The following ZNF540 variants were observed in gnomAD, a reference collection of about 807,000 sequenced individuals.
ZNF540 encodes CTD-3064H18.6.
ZNF540 carries 3 observed loss-of-function variants against 11.8 expected under a neutral mutation model. The ratio of observed to expected loss-of-function variants is 0.25; its 90% CI spans 0.12 to 0.65. The LOEUF is 0.65. ZNF540 is among the 30% of genes least tolerant of loss of function. ZNF540 has a pLI of 0.83. For synonymous variants in ZNF540, 247 were observed against 259.0 expected (o/e 0.95, Z 0.45); for missense variants, 709 against 793.1 (o/e 0.89, Z 1.27).
chr19:37,576,067 G>C (rs897728149), intron 1 of ZNF540, among the ~76,000 whole-genome samples: 2 of 149,468 alleles, frequency 1.3e-5, no homozygotes, highest in African/African-American at 5.0e-5. Flanking sequence ...ACACACACAA[G>C]TTCATCTAGA....
rs776041973 is a variant in ZNF540 at position 37,565,116 on chromosome 19, G to A, written c.-73+13451G>A. On this transcript the variant is annotated intron_variant, in intron 1 of 4. Transcript: ENST00000592533. ...GGTTTCTCACCTGTATGAATTCTCT[G>A]ATGTTCACTAAGTTGTTTGCCACAA... 4 of 1,613,198 alleles carry A rather than the reference G, an allele frequency of 2.5e-6. No homozygotes were observed. The South Asian group carries it at 4.4e-5, about 18-fold the overall frequency.
chr19:37,577,004 C>G (rs2043264687), intron 1 of ZNF540, among the ~76,000 whole-genome samples: 1 of 152,062 alleles, frequency 6.6e-6, no homozygotes, highest in Admixed American at 6.6e-5. Context: ...TTAAAAGGTA[C>G]TAAACACAAG....
chr19:37,560,234 C>A (rs555287617), intron 1 of ZNF540, among the ~76,000 whole-genome samples: 1 of 150,220 alleles, frequency 6.7e-6, no homozygotes. Context: ...GCTGAGATTG[C>A]GCCACTGCAC....
At chr19:37,589,954 A>G (rs1230042112), upstream of ZNF540, among the ~76,000 whole-genome samples, 2 of 151,772 alleles carry the variant, frequency 1.3e-5, no homozygotes, top group African/African-American at 2.4e-5. Flanking sequence ...CTACAAAATA[A>G]CAGGCCTGTA....
chr19:37,584,828 A>G (rs1200647906), intron 1 of ZNF540, among the ~76,000 whole-genome samples: 3 of 151,998 alleles, frequency 2.0e-5, no homozygotes, highest in East Asian at 1.9e-4. Context: ...GCCGGGCGTG[A>G]TGGTGGGCAC....
In ZNF540 at chr19:37,612,355, G is replaced by A; in HGVS notation, c.1075G>A (p.Glu359Lys). Residue 359 changes from glutamate to lysine, a missense_variant, in exon 5 of 5, where the codon GAA becomes AAA. Glu to Lys is a moderately conservative substitution (Grantham distance 56, BLOSUM62 1). Transcript: ENST00000316433. Reference sequence around the variant, plus strand: ...TGGTGTAAAACCCTACGAATGTAAGGAATGTGGAAAGACCTTTAGACTTAG... The same window carrying A: ...TGGTGTAAAACCCTACGAATGTAAGAAATGTGGAAAGACCTTTAGACTTAG... ...HTGVKPYECK[E>K]CGKTFRLSFY... 1 of 1,614,094 alleles carries A rather than the reference G, an allele frequency of 6.2e-7. No homozygotes were observed. The highest frequency in any genetic ancestry group is 8.5e-7 in the Non-Finnish European group (1 of 1,180,014).
chr19:37,565,931 C>T (rs1359140374), intron 1 of ZNF540: 2 of 1,613,808 alleles, frequency 1.2e-6, no homozygotes, highest in South Asian at 1.1e-5. Flanking sequence ...AACTTCAGAG[C>T]ATTTTTCTAT....
rs763420003 is a variant in ZNF540 at position 37,601,014 on chromosome 19, T to C, written c.141T>C (p.Tyr47=). 4.2e-5 allele frequency: 66 copies of C among 1,575,050 alleles called. No individual in the cohort carries two copies. Among genetic ancestry groups the C allele is most frequent in the Non-Finnish European group, 5.7e-5 (66 of 1,160,106 alleles). ...TTATTTCTTTCTTGTAAGCAGGATATTCTGGCTCAAAGCCAGATGTGATTA... is the reference window on the plus strand; with the variant it reads ...TTATTTCTTTCTTGTAAGCAGGATACTCTGGCTCAAAGCCAGATGTGATTA... ...ENYNNLVSLG[Y]SGSKPDVITL... The change falls in exon 4 of 5, where the codon TAT becomes TAC. Residue 47 remains tyrosine, a synonymous_variant. Coordinates refer to ENST00000316433, the MANE Select transcript of ZNF540 (RefSeq NM_001172225.3).
At chr19:37,608,798 C>T (rs921106710) in intron 4 of ZNF540, among the ~76,000 whole-genome samples, 3 of 152,070 alleles carry the variant, frequency 2.0e-5, no homozygotes, top group African/African-American at 4.8e-5. Context: ...TGGGTATTTT[C>T]ATTCCTCTAT....
intron 1 of ZNF540, among the ~76,000 whole-genome samples, chr19:37,551,920 C>G (rs1326419453): frequency 6.6e-6 from 1 of 151,804 alleles, no homozygotes; most frequent in East Asian, 1.9e-4. Context: ...TATGCGCCCT[C>G]TTGTGGTCCC....
intron 1 of ZNF540, among the ~76,000 whole-genome samples, chr19:37,561,653 C>A (rs2042718738): frequency 1.3e-5 from 2 of 152,150 alleles, no homozygotes; most frequent in South Asian, 4.1e-4. Context: ...TGAGGTAGAA[C>A]CCGCTCTACG....
chr19:37,560,277 C>G (rs2042702869), intron 1 of ZNF540: 1 of 149,380 alleles, frequency 6.7e-6, no homozygotes, highest in African/African-American at 2.5e-5. Context: ...GGCTCTGTCT[C>G]AAAACGAAAA....
At chr19:37,596,702 T>G (rs1189446415) in intron 1 of ZNF540, among the ~76,000 whole-genome samples, 1 of 152,218 alleles carries the variant, frequency 6.6e-6, no homozygotes, top group African/African-American at 2.4e-5. Flanking sequence ...TGGCTCATAT[T>G]ATTAAATTCT....
intron 1 of ZNF540, among the ~76,000 whole-genome samples, chr19:37,580,272 T>C (rs2043406250): frequency 6.6e-6 from 1 of 152,236 alleles, no homozygotes; most frequent in South Asian, 2.1e-4. Flanking sequence ...TCAATCCTCA[T>C]GATATATACT....
chr19:37,589,993 A>G (rs780123791), upstream of ZNF540, among the ~76,000 whole-genome samples: 11 of 152,044 alleles, frequency 7.2e-5, no homozygotes, highest in Non-Finnish European at 1.6e-4. Context: ...ATCACAAAGG[A>G]TCAAAGAAAA....
intron 1 of ZNF540, among the ~76,000 whole-genome samples, chr19:37,582,582 T>C (rs1345729189): frequency 6.6e-6 from 1 of 152,184 alleles, no homozygotes; most frequent in Non-Finnish European, 1.5e-5. Context: ...TCTTCAGTCC[T>C]GACTATCCCC....
chr19:37,613,375 T>A lies in ZNF540; in HGVS notation c.*112T>A. The A allele has an allele frequency of 1.3e-6, 1 of 769,272 alleles. No individual in the cohort carries two copies. Among genetic ancestry groups the A allele is most frequent in the Non-Finnish European group, 1.9e-6 (1 of 524,784 alleles). The allele number at this position is 769,272 out of a possible 1,614,324, so 47.7% of individuals were successfully genotyped here. On this transcript the variant is annotated 3_prime_UTR_variant, in exon 5 of 5. Transcript: ENST00000316433. ...TTTACACATATTAACTTAATAAATG[T>A]ATGAGTCTTAAATACCTCTTAGTTC...
intron 1 of ZNF540, among the ~76,000 whole-genome samples, chr19:37,553,113 CTTTTTTTTTTTTTTTTTTTTTTTTTTTT>C (rs746114598): frequency 0.018 from 593 of 33,150 alleles, 22 homozygotes; most frequent in African/African-American, 0.068. Flanking sequence ...AACCTAACAT[CTTTTTTTTTTTTTTTTTTTTTTTTTTTT>C]TTTTTTTTTT....
In ZNF540 at chr19:37,613,832, C is replaced by T. The variant is rs79221364; in HGVS notation, c.*569C>T. 13,669 of 398,502 alleles carry T rather than the reference C, an allele frequency of 0.034. 293 individuals are homozygous for T. The highest frequency in any genetic ancestry group is 0.077 in the Middle Eastern group (123 of 1,588). The allele number at this position is 398,502 out of a possible 1,614,324, so 24.7% of individuals were successfully genotyped here. On this transcript the variant is annotated 3_prime_UTR_variant, in exon 5 of 5. Transcript: ENST00000316433. ...CCGTAACAATTCCTATGTTGAAACA[C>T]GAATCCCAAGGTGATGGTATTTGAA...
Sources: gnomAD v4.1 joint callset for allele counts (sites outside exome capture counted in the v4.1 genomes callset) on GRCh38, gnomAD v4.1.1 for gene constraint, MANE v1.5 for transcripts, NCBI Gene and HGNC (gene_info 2026-07-23, HGNC 2026-07-21) for gene names.